CWH43: variants seen among roughly 807,000 people sequenced by gnomAD.
CWH43 encodes the protein PGAP2-interacting protein.
In CWH43, 91 loss-of-function variants were observed where a neutral mutation model predicts 85.7. The observed-to-expected ratio is 1.06, with a 90% CI of 0.90 to 1.26. The LOEUF (loss-of-function observed/expected upper bound fraction) is 1.26, where lower values mean the gene tolerates loss of function less well. Ranked by LOEUF, CWH43 falls within the 50% of genes most tolerant of loss-of-function variation. The pLI is 0.00. For synonymous variants in CWH43, 323 were observed against 293.6 expected, an observed-to-expected ratio of 1.10 and a Z score of -1.02; for missense variants, 869 against 839.2, an observed-to-expected ratio of 1.04 and a Z score of -0.44.
At chr4:49,050,467 G>A (rs1191986390) in intron 14 of CWH43, among the ~76,000 whole-genome samples, 2 of 152,144 alleles carry the variant, frequency 1.3e-5, no homozygotes, top group Non-Finnish European at 2.9e-5. Context: ...AGGTTGCTAA[G>A]AATAGTTACT....
intron 13 of CWH43, among the ~76,000 whole-genome samples, chr4:49,040,911 A>G (rs374935871): frequency 2.0e-5 from 3 of 152,130 alleles, no homozygotes; most frequent in Non-Finnish European, 2.9e-5. Context: ...ATCTTGAATT[A>G]ATTTTTGTAT....
chr4:49,008,100 C>T (rs887471772), intron 8 of CWH43, among the ~76,000 whole-genome samples: 1 of 152,134 alleles, frequency 6.6e-6, no homozygotes, highest in Non-Finnish European at 1.5e-5. Flanking sequence ...AGTATAAAAG[C>T]GTTCCTATTT....
At position 49,030,822 on chromosome 4, in the gene CWH43, C is replaced by G. The variant is rs1379032381; in HGVS notation, c.1373-3C>G. ...TGTATGCTACTTTTTTTTTTCTGAA[C>G]AGGTGCAGATTTCATAACAATTTTG... On this transcript the variant is annotated splice_polypyrimidine_tract_variant and splice_region_variant and intron_variant, in intron 10 of 15. Coordinates refer to ENST00000226432, the MANE Select transcript of CWH43 (RefSeq NM_025087.3). 1.9e-6 allele frequency: 3 copies of G among 1,553,620 alleles called. No homozygotes were observed. The highest frequency in any genetic ancestry group is 1.2e-5 in the South Asian group (1 of 81,628).
At chr4:49,033,205 T>C (rs1577692332) in intron 12 of CWH43, among the ~76,000 whole-genome samples, 2 of 152,338 alleles carry the variant, frequency 1.3e-5, no homozygotes, top group Admixed American at 1.3e-4. Context: ...CTGCTACAAA[T>C]GGAAGTACTG....
Position 49,057,337 on chromosome 4 carries a change from C to T in CWH43, c.2022-4475C>T, listed in dbSNP as rs182296597. On this transcript the variant is annotated intron_variant, in intron 15 of 15. Transcript: ENST00000226432. ...AACTGGAAGCAAAGGCAGGACATCT[C>T]GAAGCAGAAAGGAGGCTTTCAGTTC... Among the ~76,000 whole-genome samples the T allele has an allele frequency of 2.5e-3, 384 of 152,282 alleles. 10 individuals are homozygous for T. The highest frequency in any genetic ancestry group is 0.022 in the Admixed American group (341 of 15,290).
intron 8 of CWH43, among the ~76,000 whole-genome samples, chr4:49,010,864 T>G (rs1783335566): frequency 6.6e-6 from 1 of 152,186 alleles, no homozygotes; most frequent in Non-Finnish European, 1.5e-5. Flanking sequence ...TTTTGGTTCT[T>G]TTATGTTTGC....
intron 15 of CWH43, among the ~76,000 whole-genome samples, chr4:49,052,816 T>C (rs965591439): frequency 1.3e-5 from 2 of 152,184 alleles, no homozygotes; most frequent in African/African-American, 4.8e-5. Flanking sequence ...TAATCACACC[T>C]TAGCAATTTT....
intron 6 of CWH43, among the ~76,000 whole-genome samples, chr4:49,003,307 C>T (rs1401943525): frequency 6.6e-6 from 1 of 152,132 alleles, no homozygotes; most frequent in Non-Finnish European, 1.5e-5. Context: ...GACAGAAATT[C>T]CTTAGAAGCC....
At chr4:49,032,986 G>A (rs1386694447) in intron 12 of CWH43, among the ~76,000 whole-genome samples, 2 of 152,076 alleles carry the variant, frequency 1.3e-5, no homozygotes, top group Non-Finnish European at 2.9e-5. Context: ...GCATTACTGT[G>A]TTTGCTCTTC....
chr4:49,043,301 A>G (rs1415412117), intron 13 of CWH43, among the ~76,000 whole-genome samples: 3 of 152,242 alleles, frequency 2.0e-5, no homozygotes, highest in Admixed American at 2.0e-4. Context: ...TACATGGTCT[A>G]TGAAGCACAA....
intron 8 of CWH43, among the ~76,000 whole-genome samples, chr4:49,014,636 C>G (rs1303341275): frequency 6.6e-6 from 1 of 151,662 alleles, no homozygotes; most frequent in Non-Finnish European, 1.5e-5. Flanking sequence ...AACCACAATT[C>G]TTTAATTCAC....
chr4:49,041,092 C>T (rs1784446663), intron 13 of CWH43, among the ~76,000 whole-genome samples: 1 of 152,138 alleles, frequency 6.6e-6, no homozygotes, highest in Admixed American at 6.5e-5. Context: ...TGTTCTCTTC[C>T]ATTGATCTAT....
At chr4:49,036,623 T>G (rs1433300782) in intron 12 of CWH43, among the ~76,000 whole-genome samples, 1 of 152,220 alleles carries the variant, frequency 6.6e-6, no homozygotes, top group East Asian at 1.9e-4. Context: ...TAAATACCTG[T>G]GTTTGACTAC....
intron 6 of CWH43, among the ~76,000 whole-genome samples, chr4:48,999,613 A>G (rs1465393145): frequency 6.6e-6 from 1 of 152,234 alleles, no homozygotes; most frequent in Non-Finnish European, 1.5e-5. Context: ...CAGTGAACCC[A>G]TAAGTAATTC....
At chr4:48,997,400 C>T (rs1323691585) in intron 5 of CWH43, among the ~76,000 whole-genome samples, 1 of 152,070 alleles carries the variant, frequency 6.6e-6, no homozygotes, top group Non-Finnish European at 1.5e-5. Flanking sequence ...ATATGTTTCC[C>T]CCACTGGAAT....
At chr4:48,996,023 C>A (rs1782799167) in intron 5 of CWH43, among the ~76,000 whole-genome samples, 1 of 151,758 alleles carries the variant, frequency 6.6e-6, no homozygotes, top group Non-Finnish European at 1.5e-5. Context: ...TCTGGCCCCC[C>A]TACTTACCTT....
rs772538180 is a variant in CWH43 at position 49,061,799 on chromosome 4, T to TG, written c.2022-13_2022-12insG. ...CATGCCAATAACTTTTTATTTATTT[T>TG]TTATTTTTTTAGATTTGGATCCTAC... On this transcript the variant is annotated splice_polypyrimidine_tract_variant and intron_variant, in intron 15 of 15. Coordinates refer to ENST00000226432, the MANE Select transcript of CWH43 (RefSeq NM_025087.3). 1.5e-6 allele frequency: 2 copies of TG among 1,362,990 alleles called. No homozygotes were observed. The highest frequency in any genetic ancestry group is 1.9e-6 in the Non-Finnish European group (2 of 1,029,946). 84.4% of individuals were successfully genotyped at this position (1,362,990 alleles called of 1,614,324 possible). A position where few individuals can be genotyped will look rare whatever the true frequency, so the allele number is the denominator to read the frequency against.
At chr4:49,039,320 T>TATATATATATATATATACTG (rs71191284) in intron 13 of CWH43, among the ~76,000 whole-genome samples, 794 of 30,234 alleles carry the variant, frequency 0.026, 196 homozygotes, top group South Asian at 0.067. Flanking sequence ...TATATATATA[T>TATATATATATATATATACTG]ATATATATAT....
chr4:49,024,403 C>T (rs1301842058), intron 9 of CWH43, among the ~76,000 whole-genome samples: 1 of 151,954 alleles, frequency 6.6e-6, no homozygotes, highest in Non-Finnish European at 1.5e-5. Flanking sequence ...TGCCTGAATA[C>T]CTTGGGTTTT....
Sources: gnomAD v4.1 joint callset for allele counts (sites outside exome capture counted in the v4.1 genomes callset) on GRCh38, gnomAD v4.1.1 for gene constraint, MANE v1.5 for transcripts, NCBI Gene and HGNC (gene_info 2026-07-23, HGNC 2026-07-21) for gene names.